RNF32: variants seen among roughly 807,000 people sequenced by gnomAD.
The protein encoded by RNF32 is ring finger protein 32.
A neutral mutation model predicts 41.0 loss-of-function variants in RNF32; 36 were observed. The ratio of observed to expected loss-of-function variants is 0.88; its 90% CI spans 0.67 to 1.16. The LOEUF (loss-of-function observed/expected upper bound fraction) is 1.16, where lower values mean the gene tolerates loss of function less well. Among genes scored for constraint, RNF32 ranks in the 50% most tolerant of loss-of-function variants. The pLI, the probability that RNF32 is intolerant of heterozygous loss-of-function variation, is 0.00. For synonymous variants in RNF32, 154 were observed against 160.9 expected (o/e 0.96, Z 0.32); for missense variants, 413 against 436.7 (o/e 0.95, Z 0.48).
chr7:156,651,916 C>T (rs1341231727), intron 3 of RNF32, among the ~76,000 whole-genome samples: 1 of 152,206 alleles, frequency 6.6e-6, no homozygotes, highest in African/African-American at 2.4e-5. Flanking sequence ...CCTCCCCCGG[C>T]CCCTCCCCGG....
intron 8 of RNF32, 114 bp from the exon 9 acceptor site, chr7:156,676,305 C>A: frequency 6.2e-7 from 1 of 1,606,742 alleles, no homozygotes; most frequent in Non-Finnish European, 8.5e-7. Flanking sequence ...AATGAAACTT[C>A]CGCATGTTTC....
intron 5 of RNF32, 65 bp downstream of exon 5, chr7:156,657,638 T>G (rs540567413): frequency 1.3e-6 from 2 of 1,510,236 alleles, no homozygotes; most frequent in African/African-American, 2.7e-5. Context: ...AGAGAAACCA[T>G]AGTCATTTTC....
chr7:156,647,444 C>A (rs187082288), intron 3 of RNF32, among the ~76,000 whole-genome samples: 19 of 151,990 alleles, frequency 1.3e-4, no homozygotes, highest in African/African-American at 4.6e-4. Context: ...TGAGAACATA[C>A]AACATGAGTT....
At position 156,670,271 on chromosome 7, in the gene RNF32, G is replaced by A. The variant is rs1400111334; in HGVS notation, c.685-5425G>A. 6.6e-6 allele frequency among the ~76,000 whole-genome samples: 1 copy of A among 152,156 alleles called. No homozygotes were observed. The highest frequency in any genetic ancestry group is 6.5e-5 in the Admixed American group (1 of 15,284). On this transcript the variant is annotated intron_variant, in intron 7 of 8. Transcript: ENST00000317955. This position sits in a 1 kb window ranked among gnomAD's most constrained non-coding sequence, Gnocchi z 4.3. ...TAAGCACGGCTGGCTCTACTGTTTT[G>A]ACTTTGGCTCTTGATACACACACAT... is the stretch of plus-strand genomic sequence containing the variant.
At chr7:156,644,451 T>C in intron 2 of RNF32, 48 bp from the exon 3 acceptor site, 1 of 1,408,616 alleles carries the variant, frequency 7.1e-7, no homozygotes, top group Non-Finnish European at 9.9e-7. Flanking sequence ...TTCTAAATGA[T>C]ATATTACATA....
At chr7:156,660,304 A>C (rs1457398983) in intron 7 of RNF32, 5 of 983,008 alleles carry the variant, frequency 5.1e-6, no homozygotes, top group Non-Finnish European at 6.0e-6. Context: ...TGTTTAAACA[A>C]CACCATCTAA....
At chr7:156,659,690 G>A (rs1473737635) in intron 7 of RNF32, 1 of 905,866 alleles carries the variant, frequency 1.1e-6, no homozygotes, top group African/African-American at 1.8e-5. Flanking sequence ...CCCACTGAAA[G>A]TGTTGGTGGT....
At chr7:156,672,869 A>C (rs1323181026) in intron 7 of RNF32, among the ~76,000 whole-genome samples, 1 of 152,244 alleles carries the variant, frequency 6.6e-6, no homozygotes, top group African/African-American at 2.4e-5. Context: ...ATAACTTTGC[A>C]TATTTAAAAA....
chr7:156,647,264 A>G (rs937356029), intron 3 of RNF32, among the ~76,000 whole-genome samples: 8 of 151,944 alleles, frequency 5.3e-5, no homozygotes, highest in Admixed American at 5.2e-4. Flanking sequence ...GATGAATTAT[A>G]TAGTGGTGAA....
At chr7:156,659,216 C>A in intron 7 of RNF32, 1 of 1,124,216 alleles carries the variant, frequency 8.9e-7, no homozygotes, top group Non-Finnish European at 1.1e-6. Context: ...GCCATCACTT[C>A]TTCCTGGCAG....
intron 3 of RNF32, among the ~76,000 whole-genome samples, chr7:156,652,929 TA>T (rs34374516): frequency 0.38 from 56,990 of 151,948 alleles, 11,241 homozygotes; most frequent in African/African-American, 0.49. Flanking sequence ...AATGTTATTG[TA>T]AAAAATTTAA....
At chr7:156,654,430 C>CA (rs1799282601) in intron 3 of RNF32, 146 bp from the exon 4 acceptor site, 2 of 636,014 alleles carry the variant, frequency 3.1e-6, no homozygotes, top group African/African-American at 3.7e-5. Context: ...CTGTGGATAC[C>CA]AATGGACAGC....
intron 5 of RNF32, among the ~76,000 whole-genome samples, 159 bp from the exon 6 acceptor site, chr7:156,657,969 T>C (rs1799984619): frequency 6.6e-6 from 1 of 152,202 alleles, no homozygotes; most frequent in Non-Finnish European, 1.5e-5. Context: ...AGGAAGGTGG[T>C]AGCACCTGAT....
At chr7:156,661,401 C>T (rs1311232916) in intron 7 of RNF32, among the ~76,000 whole-genome samples, 2 of 151,364 alleles carry the variant, frequency 1.3e-5, no homozygotes, top group Non-Finnish European at 2.9e-5. Flanking sequence ...CTCACTGCAA[C>T]CATCGTTTCC....
At chr7:156,657,242 G>A (rs569774753) in intron 4 of RNF32, among the ~76,000 whole-genome samples, 3 of 152,106 alleles carry the variant, frequency 2.0e-5, no homozygotes, top group South Asian at 2.1e-4. Flanking sequence ...GTCACTGCCC[G>A]CATCTAAGGG....
intron 7 of RNF32, among the ~76,000 whole-genome samples, chr7:156,673,380 CTCT>C (rs1803021556): frequency 6.6e-6 from 1 of 152,182 alleles, no homozygotes; most frequent in Non-Finnish European, 1.5e-5. Flanking sequence ...GTATAGAGAA[CTCT>C]TCTACTTTCA....
chr7:156,647,408 C>T (rs780062612), intron 3 of RNF32, among the ~76,000 whole-genome samples: 3 of 151,526 alleles, frequency 2.0e-5, no homozygotes, highest in Non-Finnish European at 4.4e-5. Flanking sequence ...CCTTTGCATA[C>T]TCGTATCTTA....
intron 2 of RNF32, among the ~76,000 whole-genome samples, chr7:156,644,252 G>A (rs7806861): frequency 0.019 from 2,819 of 152,236 alleles, 89 homozygotes; most frequent in African/African-American, 0.065. Context: ...ACAGGTTTAT[G>A]GGTCATAATG....
chr7:156,646,575 T>A, intron 3 of RNF32: 1 of 1,160,470 alleles, frequency 8.6e-7, no homozygotes, highest in Non-Finnish European at 1.1e-6. Flanking sequence ...ATAAGAATTT[T>A]GAGATGACAC....
Sources: gnomAD v4.1 joint callset for allele counts (sites outside exome capture counted in the v4.1 genomes callset) on GRCh38, gnomAD v4.1.1 for gene constraint, Gnocchi (gnomAD v3.1) non-coding constraint, MANE v1.5 for transcripts, NCBI Gene and HGNC (gene_info 2026-07-23, HGNC 2026-07-21) for gene names.